GABBR2: variants seen among roughly 807,000 people sequenced by gnomAD.
The protein encoded by GABBR2 is gamma-aminobutyric acid type B receptor subunit 2.
GABBR2 carries 23 observed loss-of-function variants against 105.6 expected under a neutral mutation model. The ratio of observed to expected loss-of-function variants is 0.22; its 90% confidence interval spans 0.16 to 0.31. GABBR2 has a LOEUF of 0.31. Ranked by LOEUF, GABBR2 falls within the 10% of genes least tolerant of loss-of-function variation. GABBR2 has a pLI of 1.00. For synonymous variants in GABBR2, 478 were observed against 499.7 expected (o/e 0.96, Z 0.58); for missense variants, 734 against 1,245.5 (o/e 0.59, Z 6.18).
intron 11 of GABBR2, 101 bp downstream of exon 11, chr9:98,385,539 G>T: frequency 1.1e-6 from 1 of 919,228 alleles, no homozygotes; most frequent in Non-Finnish European, 1.8e-6. Context: ...GCCTGTTCAT[G>T]TATTTTCATG....
intron 2 of GABBR2, among the ~76,000 whole-genome samples, chr9:98,543,192 T>TC (rs1257427912): frequency 6.6e-6 from 1 of 152,134 alleles, no homozygotes; most frequent in Non-Finnish European, 1.5e-5. Flanking sequence ...TAACACTTCC[T>TC]CTGATCTCTG....
intron 1 of GABBR2, among the ~76,000 whole-genome samples, chr9:98,644,159 T>C (rs1261454532): frequency 6.6e-6 from 1 of 152,174 alleles, no homozygotes; most frequent in East Asian, 1.9e-4. Flanking sequence ...CAGGGAAAGA[T>C]GGTGTCTACA....
At chr9:98,704,055 C>T (rs1041907348) in intron 1 of GABBR2, among the ~76,000 whole-genome samples, 1 of 152,030 alleles carries the variant, frequency 6.6e-6, no homozygotes, top group Admixed American at 6.6e-5. Context: ...ATGATGAATA[C>T]GTTCTTGCCC....
chr9:98,454,750 G>C lies in GABBR2; in HGVS notation c.1000-533C>G, dbSNP rs1301976694. On this transcript the variant is annotated intron_variant, in intron 6 of 18. Coordinates refer to ENST00000259455, the MANE Select transcript of GABBR2 (RefSeq NM_005458.8). This position sits in a 1 kb window ranked among gnomAD's most constrained non-coding sequence, Gnocchi z 4.6. ...GCACAGAGGGAGCTGACAGTGTGCT[G>C]CTCAGCCCACCCCTCCCCTTCCCTT... 2.0e-5 allele frequency among the ~76,000 whole-genome samples: 3 copies of C among 152,054 alleles called. No individual in the cohort carries two copies. Among genetic ancestry groups the C allele is most frequent in the Non-Finnish European group, 4.4e-5 (3 of 67,990 alleles).
At chr9:98,402,838 T>C (rs1332236067) in intron 8 of GABBR2, among the ~76,000 whole-genome samples, 2 of 152,162 alleles carry the variant, frequency 1.3e-5, no homozygotes, top group Non-Finnish European at 2.9e-5. Context: ...GGACGGCCTA[T>C]TCAATAATCC....
chr9:98,410,743 A>T (rs1832577340), intron 7 of GABBR2, among the ~76,000 whole-genome samples: 1 of 151,946 alleles, frequency 6.6e-6, no homozygotes, highest in African/African-American at 2.4e-5. Flanking sequence ...TTGTATTCCA[A>T]ATCTGCTCTG....
At chr9:98,583,058 C>T (rs564395477) in intron 1 of GABBR2, among the ~76,000 whole-genome samples, 1 of 152,272 alleles carries the variant, frequency 6.6e-6, no homozygotes, top group Non-Finnish European at 1.5e-5. Flanking sequence ...GACCATTTCC[C>T]CCAGGATAAT....
intron 6 of GABBR2, among the ~76,000 whole-genome samples, chr9:98,458,006 G>A (rs1327352219): frequency 3.3e-5 from 5 of 152,186 alleles, no homozygotes; most frequent in Non-Finnish European, 5.9e-5. Flanking sequence ...TTACTGATAG[G>A]TTGGCCTCCA....
chr9:98,608,036 G>C, intron 1 of GABBR2: 1 of 1,302,990 alleles, frequency 7.7e-7, no homozygotes, highest in Non-Finnish European at 1.1e-6. Flanking sequence ...ATCAGTTAGA[G>C]GATGAGAAAG....
chr9:98,514,195 A>C (rs1827711226), intron 3 of GABBR2, among the ~76,000 whole-genome samples: 1 of 133,046 alleles, frequency 7.5e-6, no homozygotes, highest in South Asian at 2.4e-4. Context: ...ATAGGTGGGA[A>C]TTGAACAATG....
chr9:98,462,749 A>G (rs1201816785), intron 6 of GABBR2, among the ~76,000 whole-genome samples: 3 of 152,198 alleles, frequency 2.0e-5, no homozygotes, highest in African/African-American at 7.2e-5. Context: ...TTTGTCACAG[A>G]GTCTACTAAA....
chr9:98,380,534 C>T (rs994059531), intron 11 of GABBR2, among the ~76,000 whole-genome samples: 1 of 152,354 alleles, frequency 6.6e-6, no homozygotes, highest in East Asian at 1.9e-4. Flanking sequence ...GGCACTGGGG[C>T]CCTGGCCACG....
chr9:98,681,435 T>G (rs1283433660), intron 1 of GABBR2, among the ~76,000 whole-genome samples: 2 of 83,948 alleles, frequency 2.4e-5, no homozygotes, highest in Non-Finnish European at 4.3e-5. Context: ...CTGGGGACTG[T>G]GGTGGGGTGG....
At chr9:98,611,885 C>CA (rs572447477) in intron 1 of GABBR2, among the ~76,000 whole-genome samples, 11 of 152,332 alleles carry the variant, frequency 7.2e-5, no homozygotes, top group Non-Finnish European at 1.5e-4. Context: ...GGCAATTGAC[C>CA]GAGGAGCCAT....
At chr9:98,308,905 G>A (rs1046846265) in intron 14 of GABBR2, among the ~76,000 whole-genome samples, 1 of 152,246 alleles carries the variant, frequency 6.6e-6, no homozygotes, top group African/African-American at 2.4e-5. Flanking sequence ...CTCCTTTGAA[G>A]AGGGCGAGCG....
At chr9:98,623,662 T>C (rs974608234) in intron 1 of GABBR2, among the ~76,000 whole-genome samples, 4 of 152,148 alleles carry the variant, frequency 2.6e-5, no homozygotes, top group Admixed American at 2.6e-4. Context: ...AAGCCAGCAG[T>C]GCAGCACCTT....
chr9:98,633,520 G>A (rs1168083185), intron 1 of GABBR2, among the ~76,000 whole-genome samples: 3 of 151,618 alleles, frequency 2.0e-5, no homozygotes, highest in African/African-American at 7.3e-5. Context: ...AGCTACTTGG[G>A]AGGCTGAGGT....
intron 13 of GABBR2, among the ~76,000 whole-genome samples, chr9:98,352,180 C>G (rs1831410349): frequency 6.6e-6 from 1 of 152,220 alleles, no homozygotes; most frequent in Non-Finnish European, 1.5e-5. Flanking sequence ...ATAAGGACAC[C>G]AGGCAAGCTG....
intron 1 of GABBR2, among the ~76,000 whole-genome samples, chr9:98,633,652 G>C (rs1023168808): frequency 1.4e-5 from 2 of 147,608 alleles, no homozygotes; most frequent in Non-Finnish European, 3.0e-5. Context: ...AAAAGAATAA[G>C]AACAGATAAA....
Sources: gnomAD v4.1 joint callset for allele counts (sites outside exome capture counted in the v4.1 genomes callset) on GRCh38, gnomAD v4.1.1 for gene constraint, Gnocchi (gnomAD v3.1) non-coding constraint, MANE v1.5 for transcripts, NCBI Gene and HGNC (gene_info 2026-07-23, HGNC 2026-07-21) for gene names.